The following CBLN2 variants were observed in gnomAD, a reference collection of about 807,000 sequenced individuals.
The protein encoded by CBLN2 is cerebellin 2 precursor, also known as cerebellin-2.
In CBLN2, 7 loss-of-function variants were observed where a neutral mutation model predicts 15.0. That is an observed-to-expected ratio of 0.47 (90% CI 0.27 to 0.88). CBLN2 has a LOEUF of 0.88. Among genes scored for constraint, CBLN2 ranks in the 40% least tolerant of loss-of-function variants. CBLN2 has a pLI of 0.14. For missense variants in CBLN2, 242 were observed against 304.5 expected, an observed-to-expected ratio of 0.79 and a Z score of 1.53; for synonymous variants, 149 against 135.2, an observed-to-expected ratio of 1.10 and a Z score of -0.71.
upstream of CBLN2, among the ~76,000 whole-genome samples, chr18:72,547,617 T>C (rs998244976): frequency 7.9e-5 from 12 of 152,114 alleles, no homozygotes; most frequent in Admixed American, 3.3e-4. Context: ...TTTAAGGCTT[T>C]TTATATTTGG....
intron 1 of CBLN2, among the ~76,000 whole-genome samples, chr18:72,569,100 T>A (rs983585724): frequency 3.3e-5 from 5 of 152,204 alleles, no homozygotes; most frequent in South Asian, 2.1e-4. Flanking sequence ...TTTACTCTGA[T>A]ACCACCGGAG....
At chr18:72,541,656 T>C (rs1451896395) in intron 3 of CBLN2, 148 bp downstream of exon 3, 8 of 611,464 alleles carry the variant, frequency 1.3e-5, no homozygotes, top group Middle Eastern at 4.4e-4. Flanking sequence ...GTGCGTTCTA[T>C]GAAACGGGAG....
chr18:72,623,528 T>G (rs1263455062), intron 1 of CBLN2, among the ~76,000 whole-genome samples: 2 of 152,120 alleles, frequency 1.3e-5, no homozygotes, highest in African/African-American at 4.8e-5. Flanking sequence ...TTACTGGGTC[T>G]CTTTGTGGCC....
chr18:72,628,554 T>A (rs937912900), intron 1 of CBLN2, among the ~76,000 whole-genome samples: 1 of 152,116 alleles, frequency 6.6e-6, no homozygotes, highest in African/African-American at 2.4e-5. Context: ...CTCACAGTAA[T>A]CAGGTAATGG....
intron 1 of CBLN2, among the ~76,000 whole-genome samples, chr18:72,597,565 G>A (rs184952469): frequency 6.6e-6 from 1 of 152,290 alleles, no homozygotes. Context: ...GTTCACTCAA[G>A]GCCCAAGGTG....
At chr18:72,581,201 T>C (rs1243760005) in intron 1 of CBLN2, among the ~76,000 whole-genome samples, 1 of 152,222 alleles carries the variant, frequency 6.6e-6, no homozygotes, top group Non-Finnish European at 1.5e-5. Context: ...TCTTGAATAA[T>C]GTCTTCCTAA....
intron 1 of CBLN2, among the ~76,000 whole-genome samples, chr18:72,614,487 C>G (rs1195890596): frequency 3.3e-5 from 5 of 152,074 alleles, no homozygotes; most frequent in Non-Finnish European, 5.9e-5. Context: ...TACATTAGGA[C>G]TTCTTTACAG....
At chr18:72,568,640 G>A (rs1599003090) in intron 1 of CBLN2, among the ~76,000 whole-genome samples, 1 of 151,886 alleles carries the variant, frequency 6.6e-6, no homozygotes, top group African/African-American at 2.4e-5. Flanking sequence ...TCTTATTATT[G>A]CACTATTACC....
chr18:72,626,892 A>G (rs1430960044), intron 1 of CBLN2, among the ~76,000 whole-genome samples: 1 of 152,124 alleles, frequency 6.6e-6, no homozygotes, highest in Admixed American at 6.6e-5. Context: ...AACTGAACCC[A>G]AGGATTTTTC....
At chr18:72,606,405 G>A (rs1464552213) in intron 1 of CBLN2, among the ~76,000 whole-genome samples, 3 of 151,936 alleles carry the variant, frequency 2.0e-5, no homozygotes, top group Non-Finnish European at 2.9e-5. Flanking sequence ...TTTTCCTTTG[G>A]GGTTATAGTA....
intron 1 of CBLN2, among the ~76,000 whole-genome samples, chr18:72,605,463 A>T (rs994422604): frequency 4.6e-5 from 7 of 152,254 alleles, no homozygotes; most frequent in Non-Finnish European, 8.8e-5. Flanking sequence ...CAAGGGGATA[A>T]TACAATAAAT....
chr18:72,563,588 CT>C (rs1401016750), intron 1 of CBLN2, among the ~76,000 whole-genome samples: 2 of 152,196 alleles, frequency 1.3e-5, no homozygotes, highest in Non-Finnish European at 2.9e-5. Flanking sequence ...AAAGACTCTG[CT>C]CCTGCCACCT....
At chr18:72,577,141 A>C (rs1156725163) in intron 1 of CBLN2, among the ~76,000 whole-genome samples, 2 of 150,212 alleles carry the variant, frequency 1.3e-5, no homozygotes, top group African/African-American at 4.9e-5. Flanking sequence ...TGTTTGCAAT[A>C]TAGGCTTTAA....
At chr18:72,570,682 C>T (rs535885416) in intron 1 of CBLN2, among the ~76,000 whole-genome samples, 2 of 152,178 alleles carry the variant, frequency 1.3e-5, no homozygotes, top group South Asian at 4.2e-4. Flanking sequence ...GCAGGACATC[C>T]AAGCATCAAA....
rs367544710 is a variant in CBLN2, at chr18:72,538,234, T to G, written c.617A>C (p.Asn206Thr). ...GGAGTATTTCCAGCCCCCCATGAGG[T>G]TGCCTCTCTCAAGTTTGAGATGCAC... Reference protein sequence around the residue: ...DKVHLKLERGNLMGGWKYSTF... With the variant: ...DKVHLKLERGTLMGGWKYSTF... The change falls in exon 5 of 5, where the codon AAC (asparagine) becomes ACC (threonine). Residue 206 changes from asparagine to threonine, a missense_variant. Asn to Thr is a moderately conservative substitution (Grantham distance 65). Transcript: ENST00000269503. 3 of 1,613,956 alleles carry G rather than the reference T, an allele frequency of 1.9e-6. No individual in the cohort carries two copies. The highest frequency in any genetic ancestry group is 2.7e-5 in the African/African-American group (2 of 74,868).
chr18:72,608,372 GCA>G (rs1175369475), intron 1 of CBLN2, among the ~76,000 whole-genome samples: 3 of 152,142 alleles, frequency 2.0e-5, no homozygotes, highest in Non-Finnish European at 4.4e-5. Flanking sequence ...GGGCTCCCAT[GCA>G]CAGTGTCTCA....
chr18:72,584,036 G>T (rs1367043892), intron 1 of CBLN2, among the ~76,000 whole-genome samples: 1 of 152,156 alleles, frequency 6.6e-6, no homozygotes, highest in African/African-American at 2.4e-5. Flanking sequence ...CCTGGCTCCT[G>T]CCTCTTTCCT....
chr18:72,621,553 A>C (rs990491373), intron 1 of CBLN2, among the ~76,000 whole-genome samples: 1 of 152,200 alleles, frequency 6.6e-6, no homozygotes, highest in African/African-American at 2.4e-5. Flanking sequence ...AAAACAACAA[A>C]TTTCTTTGCC....
rs186439193 is a variant in CBLN2 at position 72,608,202 on chromosome 18, C to T, written c.15+30123G>A. ...ACAAATCCTAGAAAGAAAACTCCTT[C>T]GTAAGAATCCATTCCTTTCCTTCAT... On this transcript the variant is annotated intron_variant, in intron 1 of 2. Transcript: ENST00000581073. Among the ~76,000 whole-genome samples the T allele has an allele frequency of 2.3e-3, 348 of 152,310 alleles. 1 individual carries two copies. The highest frequency in any genetic ancestry group is 7.9e-3 in the African/African-American group (327 of 41,576).
Sources: gnomAD v4.1 joint callset for allele counts (sites outside exome capture counted in the v4.1 genomes callset) on GRCh38, gnomAD v4.1.1 for gene constraint, MANE v1.5 for transcripts, NCBI Gene and HGNC (gene_info 2026-07-23, HGNC 2026-07-21) for gene names.